GREB1L: variants seen among roughly 807,000 people sequenced by gnomAD.
GREB1L encodes GREB1 like retinoic acid receptor coactivator, also known as GREB1-like protein.
Under a neutral mutation model 200.8 loss-of-function variants are expected in GREB1L, and 17 were observed. The observed-to-expected ratio is 0.08, with a 90% CI of 0.06 to 0.13. The LOEUF (loss-of-function observed/expected upper bound fraction) is 0.13. Among genes scored for constraint, GREB1L ranks in the 10% least tolerant of loss-of-function variants. GREB1L has a pLI of 1.00. For missense variants in GREB1L, 1,657 were observed against 2,367.7 expected, an observed-to-expected ratio of 0.70 and a Z score of 6.23; for synonymous variants, 789 against 893.0, an observed-to-expected ratio of 0.88 and a Z score of 2.08.
In GREB1L at chr18:21,490,199, A is replaced by T. The variant is rs1215973019; in HGVS notation, c.2878A>T (p.Ile960Phe). 1 of 1,551,678 alleles carries T rather than the reference A, an allele frequency of 6.4e-7. No homozygotes were observed. The highest frequency in any genetic ancestry group is 2.4e-5 in the East Asian group (1 of 40,930). Residue 960 changes from isoleucine (I) to phenylalanine (F), a missense_variant, in exon 19 of 33, where the codon ATC becomes TTC. Physicochemically the swap from Ile to Phe is conservative, Grantham distance 21 (BLOSUM62 0). This residue lies in a region of GREB1L where 3 missense variants were observed against 18.8 expected (regional missense o/e 0.16). Transcript: ENST00000424526. The part of the protein sequence containing the change: ...NKSGRGHMLI[I>F]RVPSVQLAML... The stretch of plus-strand genomic sequence containing the variant: ...AAGTGGGAGGGGACACATGCTCATT[A>T]TCAGGGTGCCCTCGGTGCAGCTGGC...
rs554296800 is a variant in GREB1L at position 21,413,733 on chromosome 18, C to G, written c.832+9739C>G. 3.9e-5 allele frequency among the ~76,000 whole-genome samples: 6 copies of G among 152,290 alleles called. No homozygotes were observed. The South Asian group carries it at 6.2e-4, about 16-fold the overall frequency. On this transcript the variant is annotated intron_variant, in intron 7 of 32. Transcript: ENST00000424526. ...GAAGGAAAACAATGATTACTCCCCT[C>G]TGAGACAGGAGAGGAGGCTACGGGT...
intron 1 of GREB1L, among the ~76,000 whole-genome samples, chr18:21,312,833 T>G (rs1203579852): frequency 1.3e-5 from 2 of 152,182 alleles, no homozygotes; most frequent in African/African-American, 2.4e-5. Context: ...ATTACAGGTG[T>G]GAGCCACTGC....
At chr18:21,353,414 T>C (rs2039462887) in intron 1 of GREB1L, among the ~76,000 whole-genome samples, 2 of 152,110 alleles carry the variant, frequency 1.3e-5, no homozygotes, top group Admixed American at 1.3e-4. Flanking sequence ...ATTGATGGAA[T>C]ATTTGTTCTC....
chr18:21,491,637 C>G (rs2036341100), intron 19 of GREB1L, among the ~76,000 whole-genome samples: 1 of 151,126 alleles, frequency 6.6e-6, no homozygotes, highest in African/African-American at 2.4e-5. Context: ...GGTGTGAACC[C>G]AGGAGGCGGA....
chr18:21,449,196 G>A (rs1351746010), intron 11 of GREB1L, among the ~76,000 whole-genome samples: 1 of 152,184 alleles, frequency 6.6e-6, no homozygotes, highest in African/African-American at 2.4e-5. Context: ...AATATGCCAT[G>A]TGCAAGGACC....
At chr18:21,474,578 T>G (rs2035612263) in intron 16 of GREB1L, among the ~76,000 whole-genome samples, 1 of 152,196 alleles carries the variant, frequency 6.6e-6, no homozygotes, top group Non-Finnish European at 1.5e-5. Flanking sequence ...TGGAAGCTGC[T>G]TCCACCCTCT....
At chr18:21,320,955 A>G (rs548681904) in intron 1 of GREB1L, among the ~76,000 whole-genome samples, 2 of 152,324 alleles carry the variant, frequency 1.3e-5, no homozygotes, top group South Asian at 4.1e-4. Context: ...TATTTGCATA[A>G]CTACTGTTCC....
chr18:21,384,332 T>C lies in GREB1L; in HGVS notation c.284T>C (p.Met95Thr), dbSNP rs746443252. 4.5e-6 allele frequency: 7 copies of C among 1,551,688 alleles called. No individual in the cohort carries two copies. The highest frequency in any genetic ancestry group is 1.4e-5 in the African/African-American group (1 of 73,044). The stretch of plus-strand genomic sequence containing the variant: ...GAAGATGATGAAGACGATGAAGAAA[T>C]GTCTGATTCAAACAGCCCACCAATT... ...EMEDDEDDEEMSDSNSPPIPY... is the reference protein window; with the variant it reads ...EMEDDEDDEETSDSNSPPIPY... Residue 95 changes from methionine (M) to threonine (T), a missense_variant, in exon 4 of 33, where the codon ATG becomes ACG. Physicochemically the swap from Met to Thr is moderately conservative, Grantham distance 81 (BLOSUM62 -1). This residue lies in a region of GREB1L where 121 missense variants were observed against 126.6 expected (regional missense o/e 0.96). Transcript: ENST00000424526.
At chr18:21,245,951 C>T (rs115566796) in intron 1 of GREB1L, among the ~76,000 whole-genome samples, 2,657 of 152,144 alleles carry the variant, frequency 0.017, 76 homozygotes, top group African/African-American at 0.058. Flanking sequence ...TCATCGATCT[C>T]GACCTCGTGA....
chr18:21,378,908 C>T (rs2040189003), intron 2 of GREB1L, among the ~76,000 whole-genome samples: 1 of 150,908 alleles, frequency 6.6e-6, no homozygotes, highest in Non-Finnish European at 1.5e-5. Flanking sequence ...CTTGCTCTGT[C>T]ACCCAGGCTG....
chr18:21,523,536 C>G lies in GREB1L; in HGVS notation c.*715C>G, dbSNP rs1193003357. ...TAGCCTAATTCCTTTGCTTTACCCACTCTTTAAATGTGTTTCCAGTCTTTA... is the reference window on the plus strand; with the variant it reads ...TAGCCTAATTCCTTTGCTTTACCCAGTCTTTAAATGTGTTTCCAGTCTTTA... On this transcript the variant is annotated 3_prime_UTR_variant, in exon 33 of 33. Transcript: ENST00000424526. 2 of 152,326 alleles carry G rather than the reference C, an allele frequency of 1.3e-5. No individual in the cohort carries two copies. The highest frequency in any genetic ancestry group is 2.9e-5 in the Non-Finnish European group (2 of 68,038). The allele number at this position is 152,326 out of a possible 1,614,324, so 9.4% of individuals were successfully genotyped here.
intron 15 of GREB1L, among the ~76,000 whole-genome samples, chr18:21,458,910 C>G (rs1395564221): frequency 6.6e-6 from 1 of 152,058 alleles, no homozygotes; most frequent in Non-Finnish European, 1.5e-5. Flanking sequence ...AATGAGAATA[C>G]TAGCATACTG....
At chr18:21,397,532 A>AT (rs1174612817) in intron 5 of GREB1L, among the ~76,000 whole-genome samples, 10 of 131,940 alleles carry the variant, frequency 7.6e-5, no homozygotes, top group African/African-American at 1.3e-4. Flanking sequence ...CTCAAAAAAA[A>AT]AAAAAAAAAA....
At chr18:21,384,063 T>C in intron 3 of GREB1L, 143 bp from the exon 4 acceptor site, 1 of 669,582 alleles carries the variant, frequency 1.5e-6, no homozygotes, top group East Asian at 2.8e-5. Context: ...AAGTGGGGAT[T>C]CCAAATCTTG....
Position 21,505,862 on chromosome 18 carries a change from C to G in GREB1L, c.4281C>G (p.Ser1427=). Residue 1427 remains serine, a synonymous_variant, in exon 25 of 33, where the codon TCC becomes TCG. Coordinates refer to ENST00000424526, the MANE Select transcript of GREB1L (RefSeq NM_001142966.3). ...VEEPRKRETV[S]IMLTKYAAYN... The stretch of plus-strand genomic sequence containing the variant: ...AGCCCAGGAAACGGGAAACTGTATC[C>G]ATAATGCTGACCAAATATGCAGCCT... The G allele has an allele frequency of 6.4e-7, 1 of 1,551,958 alleles. No individual in the cohort carries two copies. The highest frequency in any genetic ancestry group is 8.7e-7 in the Non-Finnish European group (1 of 1,146,920).
intron 1 of GREB1L, among the ~76,000 whole-genome samples, chr18:21,320,993 A>G (rs2038942683): frequency 6.6e-6 from 1 of 152,150 alleles, no homozygotes; most frequent in Non-Finnish European, 1.5e-5. Context: ...ATCAAAAATA[A>G]TATTTAAAGA....
intron 15 of GREB1L, among the ~76,000 whole-genome samples, chr18:21,456,791 C>T (rs537032198): frequency 3.9e-5 from 6 of 152,254 alleles, no homozygotes; most frequent in Admixed American, 6.5e-5. Flanking sequence ...TCTCAGCTAC[C>T]GGCTTCTTTC....
chr18:21,370,816 C>A (rs550404546), intron 2 of GREB1L, among the ~76,000 whole-genome samples: 1 of 152,288 alleles, frequency 6.6e-6, no homozygotes, highest in African/African-American at 2.4e-5. Flanking sequence ...CAGTGGCTCA[C>A]GCCTATAATT....
At chr18:21,278,935 A>G (rs1231831417) in intron 1 of GREB1L, among the ~76,000 whole-genome samples, 1 of 152,180 alleles carries the variant, frequency 6.6e-6, no homozygotes, top group East Asian at 1.9e-4. Context: ...GTTCCTATAC[A>G]TCTGAACACA....
Sources: gnomAD v4.1 joint callset for allele counts (sites outside exome capture counted in the v4.1 genomes callset) on GRCh38, gnomAD v4.1.1 for gene constraint, gnomAD v4.1.1 regional missense constraint, MANE v1.5 for transcripts, NCBI Gene and HGNC (gene_info 2026-07-23, HGNC 2026-07-21) for gene names.